YTHDC2: variants seen among roughly 807,000 people sequenced by gnomAD.
YTHDC2 encodes 3'-5' RNA helicase YTHDC2.
A neutral mutation model predicts 174.9 loss-of-function variants in YTHDC2; 45 were observed. The ratio of observed to expected loss-of-function variants is 0.26; its 90% CI spans 0.20 to 0.33. The LOEUF (loss-of-function observed/expected upper bound fraction) is 0.33, where lower values mean the gene tolerates loss of function less well. Ranked by LOEUF, YTHDC2 falls within the 10% of genes least tolerant of loss-of-function variation. The pLI is 1.00. For missense variants in YTHDC2, 1,650 were observed against 1,723.7 expected, an observed-to-expected ratio of 0.96 and a Z score of 0.76; for synonymous variants, 657 against 574.5, an observed-to-expected ratio of 1.14 and a Z score of -2.05.
At chr5:113,521,909 C>T (rs772326563) in intron 2 of YTHDC2, among the ~76,000 whole-genome samples, 2 of 150,540 alleles carry the variant, frequency 1.3e-5, no homozygotes, top group African/African-American at 4.9e-5. Context: ...CTCAGTTTGG[C>T]GACAACATGA....
intron 10 of YTHDC2, among the ~76,000 whole-genome samples, chr5:113,546,163 A>G (rs1458731835): frequency 1.3e-5 from 2 of 152,200 alleles, no homozygotes; most frequent in African/African-American, 4.8e-5. Context: ...GAGTTTAGCA[A>G]TCTTACTTGA....
chr5:113,569,044 T>C (rs1777543246), intron 23 of YTHDC2, among the ~76,000 whole-genome samples: 1 of 152,212 alleles, frequency 6.6e-6, no homozygotes, highest in African/African-American at 2.4e-5. Context: ...TTTTGACTTT[T>C]TAATAATAGC....
intron 12 of YTHDC2, among the ~76,000 whole-genome samples, chr5:113,552,075 A>T (rs1041968224): frequency 6.6e-6 from 1 of 152,154 alleles, no homozygotes; most frequent in East Asian, 1.9e-4. Context: ...AAAAATGTGA[A>T]CTATACATCA....
rs1340054879 is a variant in YTHDC2, at chr5:113,549,002, A to G, written c.1670A>G (p.Asp557Gly). 1.9e-6 allele frequency: 3 copies of G among 1,612,598 alleles called. No homozygotes were observed. The highest frequency in any genetic ancestry group is 2.5e-6 in the Non-Finnish European group (3 of 1,179,198). The stretch of plus-strand genomic sequence containing the variant: ...CACTTTGGGCAGACTGAAATTGTGG[A>G]TCTTCTAGAATCTTACAGGTAAAAC... Reference protein sequence around the residue: ...AKHFGQTEIVDLLESYSATLE... With the variant: ...AKHFGQTEIVGLLESYSATLE... Residue 557 changes from aspartate (D) to glycine (G), a missense_variant, in exon 12 of 30, where the codon GAT (aspartate) becomes GGT (glycine). Physicochemically the swap from Asp to Gly is moderately conservative, Grantham distance 94. This residue lies in a region of YTHDC2 where 411 missense variants were observed against 380.6 expected (regional missense o/e 1.08). Transcript: ENST00000161863.
chr5:113,542,533 C>G, intron 10 of YTHDC2, 30 bp downstream of exon 10: 1 of 1,567,568 alleles, frequency 6.4e-7, no homozygotes, highest in Non-Finnish European at 8.6e-7. Flanking sequence ...AAAAAATTAC[C>G]CTTACAGTTA....
At position 113,513,761 on chromosome 5, in the gene YTHDC2, T is replaced by A; in HGVS notation, c.-135T>A. On this transcript the variant is annotated 5_prime_UTR_variant, in exon 1 of 30. Transcript: ENST00000161863. ...CTGCTGTGGCGGTGACTGAGGCCTT[T>A]CTGGTGACCTCAGCCCAACACAGGC... The A allele has an allele frequency of 2.1e-6, 2 of 943,368 alleles. No individual in the cohort carries two copies. The highest frequency in any genetic ancestry group is 3.0e-6 in the Non-Finnish European group (2 of 668,056). The allele number at this position is 943,368 out of a possible 1,614,324, so 58.4% of individuals were successfully genotyped here.
At chr5:113,561,509 C>T (rs1580587952) in intron 18 of YTHDC2, among the ~76,000 whole-genome samples, 1 of 142,936 alleles carries the variant, frequency 7.0e-6, no homozygotes, top group East Asian at 2.0e-4. Context: ...TGCTTTGTTG[C>T]CCAGGCTAGA....
intron 10 of YTHDC2, among the ~76,000 whole-genome samples, chr5:113,544,173 A>G (rs1179273191): frequency 6.6e-6 from 1 of 152,130 alleles, no homozygotes; most frequent in Non-Finnish European, 1.5e-5. Context: ...TTTTTGAGAC[A>G]AAGTCTCTCT....
chr5:113,538,083 G>C (rs1775205172), intron 7 of YTHDC2, among the ~76,000 whole-genome samples: 2 of 152,032 alleles, frequency 1.3e-5, no homozygotes, highest in Non-Finnish European at 2.9e-5. Flanking sequence ...GACTATATTT[G>C]ACACTTTATT....
chr5:113,541,438 G>A (rs977987074), intron 9 of YTHDC2, among the ~76,000 whole-genome samples: 14 of 151,966 alleles, frequency 9.2e-5, no homozygotes, highest in Admixed American at 2.6e-4. Context: ...TGATCCACCC[G>A]CCTCGGCCTC....
At chr5:113,532,006 C>A (rs1446181251) in intron 4 of YTHDC2, among the ~76,000 whole-genome samples, 1 of 152,166 alleles carries the variant, frequency 6.6e-6, no homozygotes, top group African/African-American at 2.4e-5. Context: ...CTTTCTAAAA[C>A]TCTGGAGATA....
At chr5:113,575,840 GTCT>G (rs966230864) in intron 23 of YTHDC2, among the ~76,000 whole-genome samples, 122 of 152,272 alleles carry the variant, frequency 8.0e-4, no homozygotes, top group African/African-American at 2.9e-3. Flanking sequence ...TTTTGCAGTG[GTCT>G]TCTAACAAGA....
intron 26 of YTHDC2, among the ~76,000 whole-genome samples, chr5:113,589,404 A>ATATATATATATATATATAT (rs1437521528): frequency 1.6e-4 from 18 of 114,478 alleles, no homozygotes; most frequent in African/African-American, 5.5e-4. Context: ...TTAAAAAAAA[A>ATATATATATATATATATAT]AAAAATATAT....
intron 22 of YTHDC2, 117 bp from the exon 23 acceptor site, chr5:113,567,537 G>T: frequency 1.2e-6 from 1 of 867,110 alleles, no homozygotes; most frequent in Non-Finnish European, 1.7e-6. Flanking sequence ...TTTAATTTTT[G>T]CTTACGTACT....
At chr5:113,578,396 T>TG (rs201324290) in intron 23 of YTHDC2, among the ~76,000 whole-genome samples, 5,176 of 151,776 alleles carry the variant, frequency 0.034, 137 homozygotes, top group African/African-American at 0.075. Context: ...TGTTTTGTTT[T>TG]TTTGTGTATG....
At chr5:113,534,530 AAG>A in intron 6 of YTHDC2, 123 bp downstream of exon 6, 1 of 686,430 alleles carries the variant, frequency 1.5e-6, no homozygotes, top group Non-Finnish European at 2.5e-6. Context: ...TAGGGTAGAA[AAG>A]AGAACCAACT....
intron 18 of YTHDC2, among the ~76,000 whole-genome samples, chr5:113,561,700 C>T (rs1396718409): frequency 1.3e-5 from 2 of 152,052 alleles, no homozygotes; most frequent in Non-Finnish European, 2.9e-5. Flanking sequence ...AACTCTTGAC[C>T]TCATGATTCA....
chr5:113,553,724 C>A, intron 14 of YTHDC2, 38 bp downstream of exon 14: 1 of 1,612,624 alleles, frequency 6.2e-7, no homozygotes, highest in Non-Finnish European at 8.5e-7. Flanking sequence ...CTTAAAATAA[C>A]GGACAGGTCT....
chr5:113,552,114 G>C (rs868060135), intron 12 of YTHDC2, among the ~76,000 whole-genome samples: 12 of 152,166 alleles, frequency 7.9e-5, no homozygotes, highest in African/African-American at 2.9e-4. Flanking sequence ...TAAACAATTA[G>C]ATACAACCTA....
Sources: gnomAD v4.1 joint callset for allele counts (sites outside exome capture counted in the v4.1 genomes callset) on GRCh38, gnomAD v4.1.1 for gene constraint, gnomAD v4.1.1 regional missense constraint, MANE v1.5 for transcripts, NCBI Gene and HGNC (gene_info 2026-07-23, HGNC 2026-07-21) for gene names.